The following UNC5D variants were observed in gnomAD, a reference collection of about 807,000 sequenced individuals.
UNC5D encodes netrin receptor UNC5D.
In UNC5D, 39 loss-of-function variants were observed where a neutral mutation model predicts 105.4. The ratio of observed to expected loss-of-function variants is 0.37; its 90% CI spans 0.29 to 0.48. The LOEUF (loss-of-function observed/expected upper bound fraction) is 0.48, where lower values mean the gene tolerates loss of function less well. UNC5D is among the 20% of genes least tolerant of loss of function. UNC5D has a pLI of 0.98. For missense variants in UNC5D, 991 were observed against 1,202.4 expected (o/e 0.82, Z 2.60); for synonymous variants, 452 against 450.4 (o/e 1.00, Z -0.04).
chr8:35,249,123 A>ATG lies in UNC5D; in HGVS notation c.103+13236_103+13237insTG, dbSNP rs1803502505. 4.5e-5 allele frequency among the ~76,000 whole-genome samples: 6 copies of ATG among 132,250 alleles called. No individual in the cohort carries two copies. In the South Asian group the frequency reaches 1.3e-3, roughly 28 times the overall value. The allele number at this position is 132,250 out of a possible 152,430, so 86.8% of individuals were successfully genotyped here. On this transcript the variant is annotated intron_variant, in intron 1 of 16. Transcript: ENST00000404895. ...AAAAAAATATATATATTATATATAT[A>ATG]AAATTATATATAATTATATATAAAA...
intron 1 of UNC5D, among the ~76,000 whole-genome samples, chr8:35,460,004 C>A (rs2129643007): frequency 6.6e-6 from 1 of 152,266 alleles, no homozygotes; most frequent in East Asian, 1.9e-4. Context: ...CTGAAAGTGA[C>A]TAGAGCAATT....
intron 16 of UNC5D, among the ~76,000 whole-genome samples, chr8:35,780,460 G>A (rs891796676): frequency 6.6e-6 from 1 of 152,212 alleles, no homozygotes; most frequent in Admixed American, 6.5e-5. Context: ...GAGGGCCGAG[G>A]AAAAGGATGG....
In UNC5D at chr8:35,748,668, G is replaced by T. The variant is rs1830118673; in HGVS notation, c.1908G>T (p.Lys636Asn). ...CTGAGCATTGGAATATCCATTTAAA[G>T]AAGAGGACACAGCAGGGCAAATGGG... is the stretch of plus-strand genomic sequence containing the variant. ...VSSEHWNIHL[K>N]KRTQQGKWEE... Residue 636 changes from lysine (K) to asparagine (N), a missense_variant, in exon 12 of 17, where the codon AAG (lysine) becomes AAT (asparagine). By Grantham distance (94) the Lys-to-Asn change is moderately conservative. Coordinates refer to ENST00000404895, the MANE Select transcript of UNC5D (RefSeq NM_080872.4). The T allele has an allele frequency of 6.2e-7, 1 of 1,613,776 alleles. No homozygotes were observed. Among genetic ancestry groups the T allele is most frequent in the African/African-American group, 1.3e-5 (1 of 74,896 alleles).
intron 1 of UNC5D, among the ~76,000 whole-genome samples, chr8:35,477,643 A>T (rs1810202717): frequency 6.6e-6 from 1 of 152,166 alleles, no homozygotes; most frequent in South Asian, 2.1e-4. Flanking sequence ...AAGGAAAAAA[A>T]AATGTTTACA....
At chr8:35,341,527 C>T (rs1354166571) in intron 1 of UNC5D, among the ~76,000 whole-genome samples, 1 of 151,578 alleles carries the variant, frequency 6.6e-6, no homozygotes, top group Non-Finnish European at 1.5e-5. Flanking sequence ...GATATACTCG[C>T]AGTGATAGAA....
At chr8:35,368,722 A>T (rs1802270623) in intron 1 of UNC5D, among the ~76,000 whole-genome samples, 1 of 152,048 alleles carries the variant, frequency 6.6e-6, no homozygotes, top group Non-Finnish European at 1.5e-5. Flanking sequence ...AGGTGGTGCC[A>T]TTGGGAGGTA....
intron 1 of UNC5D, among the ~76,000 whole-genome samples, chr8:35,356,595 T>C (rs932418452): frequency 6.6e-6 from 1 of 152,012 alleles, no homozygotes; most frequent in African/African-American, 2.4e-5. Flanking sequence ...TGTATTCTTA[T>C]CGTAGATCTT....
intron 6 of UNC5D, among the ~76,000 whole-genome samples, chr8:35,685,566 CA>C (rs1003980002): frequency 8.5e-5 from 13 of 152,136 alleles, no homozygotes; most frequent in African/African-American, 3.1e-4. Context: ...TTCCTAGCAG[CA>C]TATTCTTGGA....
intron 4 of UNC5D, among the ~76,000 whole-genome samples, chr8:35,648,855 A>C (rs1173856580): frequency 6.6e-6 from 1 of 152,128 alleles, no homozygotes; most frequent in Non-Finnish European, 1.5e-5. Context: ...CCAGGGTATG[A>C]TATTGTGTCA....
intron 1 of UNC5D, among the ~76,000 whole-genome samples, chr8:35,244,270 G>T (rs1269393582): frequency 6.6e-6 from 1 of 152,152 alleles, no homozygotes; most frequent in Non-Finnish European, 1.5e-5. Context: ...AGCCTTCATG[G>T]TTTCAGGGCC....
chr8:35,281,515 C>G (rs893572994), intron 1 of UNC5D, among the ~76,000 whole-genome samples: 1 of 151,796 alleles, frequency 6.6e-6, no homozygotes, highest in Admixed American at 6.6e-5. Context: ...TCTTGGCTCA[C>G]TGCAACCTCC....
chr8:35,587,876 G>A (rs1429797701), intron 3 of UNC5D, among the ~76,000 whole-genome samples: 2 of 149,020 alleles, frequency 1.3e-5, no homozygotes, highest in Non-Finnish European at 3.0e-5. Flanking sequence ...AACAGATAAA[G>A]GAGATAATTA....
chr8:35,731,111 A>T lies in UNC5D; in HGVS notation c.1766+15A>T, dbSNP rs1299671044. On this transcript the variant is annotated intron_variant, in intron 11 of 16. Coordinates refer to ENST00000404895, the MANE Select transcript of UNC5D (RefSeq NM_080872.4). ...GGTGAACCCAGGTGAGAGACAGAGA[A>T]TAGCATATTAAAGAAAGTGGCTCAC... The T allele has an allele frequency of 6.2e-7, 1 of 1,612,508 alleles. No homozygotes were observed. Among genetic ancestry groups the T allele is most frequent in the Admixed American group, 1.7e-5 (1 of 59,974 alleles).
chr8:35,545,760 CA>C lies in UNC5D; in HGVS notation c.104-3531del, dbSNP rs1815621072. On this transcript the variant is annotated intron_variant, in intron 1 of 16. Transcript: ENST00000404895. ...CTACAATCCCTCACCTTCCCACTGC[CA>C]CTCTAGTAAATCATTTTCCTTCTTT... 3.3e-5 allele frequency among the ~76,000 whole-genome samples: 5 copies of C among 152,244 alleles called. No individual in the cohort carries two copies. In the South Asian group the frequency reaches 6.2e-4, roughly 19 times the overall value.
At chr8:35,452,787 C>T (rs2010451) in intron 1 of UNC5D, among the ~76,000 whole-genome samples, 63,643 of 151,958 alleles carry the variant, frequency 0.42, 13,477 homozygotes, top group East Asian at 0.54. Context: ...GTTCTGTGAG[C>T]CACAGGTATT....
At chr8:35,781,209 A>G (rs529669646) in intron 16 of UNC5D, among the ~76,000 whole-genome samples, 48 of 152,308 alleles carry the variant, frequency 3.2e-4, no homozygotes, top group African/African-American at 1.1e-3. Context: ...ATTTTGTCAA[A>G]GCCAGTGATT....
intron 4 of UNC5D, among the ~76,000 whole-genome samples, chr8:35,597,571 T>G (rs1293875089): frequency 1.3e-5 from 2 of 152,208 alleles, no homozygotes; most frequent in Non-Finnish European, 2.9e-5. Flanking sequence ...TGTCCCCTGG[T>G]ACACCCATGT....
intron 1 of UNC5D, among the ~76,000 whole-genome samples, chr8:35,370,948 G>A (rs1271467797): frequency 6.6e-6 from 1 of 152,142 alleles, no homozygotes; most frequent in African/African-American, 2.4e-5. Context: ...TTAAAGCTGG[G>A]TATGGTGGCT....
chr8:35,455,552 T>A (rs1005982618), intron 1 of UNC5D, among the ~76,000 whole-genome samples: 3 of 152,192 alleles, frequency 2.0e-5, no homozygotes, highest in African/African-American at 7.2e-5. Context: ...GTGCTGGGAT[T>A]ACAGGCATGA....
Sources: gnomAD v4.1 joint callset for allele counts (sites outside exome capture counted in the v4.1 genomes callset) on GRCh38, gnomAD v4.1.1 for gene constraint, MANE v1.5 for transcripts, NCBI Gene and HGNC (gene_info 2026-07-23, HGNC 2026-07-21) for gene names.